The following SYNDIG1L variants were observed in gnomAD, a reference collection of about 807,000 sequenced individuals.
SYNDIG1L encodes the protein synapse differentiation-inducing gene protein 1-like.
A neutral mutation model predicts 20.1 loss-of-function variants in SYNDIG1L; 13 were observed. That is an observed-to-expected ratio of 0.65 (90% CI 0.42 to 1.03). The LOEUF (loss-of-function observed/expected upper bound fraction) is 1.03, where lower values mean the gene tolerates loss of function less well. SYNDIG1L is among the 50% of genes least tolerant of loss of function. SYNDIG1L has a pLI of 0.00. For missense variants in SYNDIG1L, 294 were observed against 305.1 expected, an observed-to-expected ratio of 0.96 and a Z score of 0.27; for synonymous variants, 128 against 129.3, an observed-to-expected ratio of 0.99 and a Z score of 0.07.
rs775746146 is a variant in SYNDIG1L at position 74,409,382 on chromosome 14, G to A, written c.363C>T (p.Ser121=). The A allele has an allele frequency of 1.2e-6, 2 of 1,611,078 alleles. No homozygotes were observed. Among genetic ancestry groups the A allele is most frequent in the South Asian group, 1.1e-5 (1 of 90,682 alleles). Residue 121 remains serine, a synonymous_variant, in exon 2 of 4, where the codon TCC becomes TCT. Coordinates refer to ENST00000331628, the MANE Select transcript of SYNDIG1L (RefSeq NM_001105579.2). ...CCCGCAGCTCCTCTTGTACCCCATA[G>A]GACACAGTCTGGATGGTGACATTCT... ...AAENVTIQTV[S]YGVQEELRDQ... is the part of the protein sequence containing the mutation.
At chr14:74,453,873 G>A in the SYNDIG1L span, among the ~76,000 whole-genome samples, 1 of 152,188 alleles carries the variant, frequency 6.6e-6, no homozygotes, top group Non-Finnish European at 1.5e-5. Context: ...GGCTGAGGAG[G>A]AGAATTGCTT....
chr14:74,407,563 G>C lies in SYNDIG1L; in HGVS notation c.689C>G (p.Ala230Gly), dbSNP rs998824729. The C allele has an allele frequency of 6.8e-6, 11 of 1,614,002 alleles. No individual in the cohort carries two copies. The East Asian group carries it at 2.5e-4, about 36-fold the overall frequency. ...GCCATGACCGTTCTGGGACATGTAA[G>C]CTGCCAGAGCCACCACCACAGCCAC... ...LYVAVVVALAAYMSQNGHG is the reference protein window; with the variant it reads ...LYVAVVVALAGYMSQNGHG The change falls in exon 4 of 4, where the codon GCT becomes GGT. Residue 230 changes from alanine (A) to glycine (G), a missense_variant. Ala to Gly is a moderately conservative substitution (Grantham distance 60). Transcript: ENST00000331628.
chr14:74,455,235 G>A, the SYNDIG1L span, among the ~76,000 whole-genome samples: 1 of 152,140 alleles, frequency 6.6e-6, no homozygotes, highest in South Asian at 2.1e-4. Flanking sequence ...GCTCTGCCTA[G>A]AAGGGGCTGA....
the SYNDIG1L span, chr14:74,474,307 G>C: frequency 1.3e-5 from 2 of 152,170 alleles, no homozygotes; most frequent in Non-Finnish European, 1.5e-5. Context: ...TACCCACCTT[G>C]ACAGGAGATG....
the SYNDIG1L span, among the ~76,000 whole-genome samples, chr14:74,468,328 A>G: frequency 6.6e-6 from 1 of 152,230 alleles, no homozygotes; most frequent in African/African-American, 2.4e-5. Flanking sequence ...ACTCGTGGCC[A>G]GAAGGCTGGG....
At chr14:74,447,177 G>C in the SYNDIG1L span, among the ~76,000 whole-genome samples, 1 of 152,188 alleles carries the variant, frequency 6.6e-6, no homozygotes, top group African/African-American at 2.4e-5. Context: ...ATTAATAACA[G>C]TTAAACTGTA....
chr14:74,408,563 C>CAA (rs758108537), intron 2 of SYNDIG1L, among the ~76,000 whole-genome samples: 13 of 66,138 alleles, frequency 2.0e-4, no homozygotes, highest in Admixed American at 3.7e-4. Flanking sequence ...GACTCCATCT[C>CAA]AAAAAAAAAA....
At chr14:74,469,635 G>A in the SYNDIG1L span, among the ~76,000 whole-genome samples, 3 of 152,244 alleles carry the variant, frequency 2.0e-5, no homozygotes, top group African/African-American at 7.2e-5. Flanking sequence ...CCTGTCGCCT[G>A]AAGGGTGGTT....
the SYNDIG1L span, among the ~76,000 whole-genome samples, chr14:74,457,890 T>C: frequency 1.3e-5 from 2 of 152,082 alleles, no homozygotes; most frequent in African/African-American, 2.4e-5. Flanking sequence ...CTCAATCTTG[T>C]GAGCTCAAGT....
intron 1 of SYNDIG1L, among the ~76,000 whole-genome samples, chr14:74,414,650 A>G (rs151254375): frequency 3.2e-4 from 49 of 152,320 alleles, no homozygotes; most frequent in African/African-American, 1.2e-3. Context: ...TTGATTTTTA[A>G]CAACTCAGCT....
At position 74,425,629 on chromosome 14, in the gene SYNDIG1L, G is replaced by A. The variant is rs117919682; in HGVS notation, c.-58+283C>T. ...GAGGCTCTAATCAGTATTTCTTGCC[G>A]TCAGTAGGCAGGATGTCTAGGAGCT... On this transcript the variant is annotated intron_variant, in intron 1 of 3. Transcript: ENST00000331628. Among the ~76,000 whole-genome samples the A allele has an allele frequency of 1.8e-3, 272 of 152,284 alleles. 7 individuals carry two copies. The East Asian group carries it at 0.051, about 29-fold the overall frequency.
the SYNDIG1L span, among the ~76,000 whole-genome samples, chr14:74,436,353 C>A: frequency 6.6e-6 from 1 of 151,950 alleles, no homozygotes; most frequent in Non-Finnish European, 1.5e-5. Context: ...CTTAGCCTCC[C>A]AAAATGCTGA....
chr14:74,417,524 A>C (rs1367199188), intron 1 of SYNDIG1L, among the ~76,000 whole-genome samples: 1 of 152,210 alleles, frequency 6.6e-6, no homozygotes, highest in African/African-American at 2.4e-5. Flanking sequence ...TCCTCCCATG[A>C]GGTGTTCCAT....
At chr14:74,456,336 C>T in the SYNDIG1L span, among the ~76,000 whole-genome samples, 1 of 152,168 alleles carries the variant, frequency 6.6e-6, no homozygotes, top group Admixed American at 6.5e-5. Context: ...TTGAGACCAG[C>T]CTGACTAACA....
chr14:74,477,061 CACACACACACACACACACACACACA>C, the SYNDIG1L span, among the ~76,000 whole-genome samples: 2 of 47,106 alleles, frequency 4.2e-5, no homozygotes, highest in East Asian at 4.0e-4. Context: ...CACACACACA[CACACACACACACACACACACACACA>C]CACAACCCTG....
intron 1 of SYNDIG1L, among the ~76,000 whole-genome samples, chr14:74,411,623 C>T (rs2086131181): frequency 1.3e-5 from 2 of 152,162 alleles, no homozygotes; most frequent in South Asian, 4.1e-4. Context: ...AGGAACAATG[C>T]CCAGGTATTG....
the SYNDIG1L span, among the ~76,000 whole-genome samples, chr14:74,439,172 C>T: frequency 1.3e-5 from 2 of 151,696 alleles, no homozygotes; most frequent in African/African-American, 4.8e-5. Context: ...TGTCTTTTCC[C>T]AGACTCCTCC....
chr14:74,417,637 C>G (rs1023715372), intron 1 of SYNDIG1L, among the ~76,000 whole-genome samples: 11 of 107,800 alleles, frequency 1.0e-4, no homozygotes, highest in African/African-American at 4.6e-4. Context: ...CAAGATTAAA[C>G]AGTGGAGAGA....
the SYNDIG1L span, among the ~76,000 whole-genome samples, chr14:74,440,649 A>C: frequency 5.9e-5 from 9 of 151,936 alleles, no homozygotes; most frequent in Admixed American, 2.0e-4. Context: ...CACGCCACTG[A>C]ACTCCAGCCT....
Sources: gnomAD v4.1 joint callset for allele counts (sites outside exome capture counted in the v4.1 genomes callset) on GRCh38, gnomAD v4.1.1 for gene constraint, MANE v1.5 for transcripts, NCBI Gene and HGNC (gene_info 2026-07-23, HGNC 2026-07-21) for gene names.